Variants in NFASC observed in about 807,000 individuals in gnomAD.
The protein encoded by NFASC is neurofascin, also known as neurofascin homolog.
A neutral mutation model predicts 147.5 loss-of-function variants in NFASC; 43 were observed. The observed-to-expected ratio is 0.29, with a 90% CI of 0.23 to 0.38. NFASC has a LOEUF of 0.38. NFASC is among the 10% of genes least tolerant of loss of function. NFASC has a pLI of 1.00. For synonymous variants in NFASC, 622 were observed against 665.5 expected (o/e 0.93, Z 1.01); for missense variants, 1,320 against 1,689.0 (o/e 0.78, Z 3.83).
At chr1:204,863,474 A>G (rs934428900) in intron 1 of NFASC, among the ~76,000 whole-genome samples, 3 of 152,066 alleles carry the variant, frequency 2.0e-5, no homozygotes, top group African/African-American at 7.2e-5. Context: ...TAGACATACA[A>G]CTCAGTTACA....
At chr1:204,960,730 C>T (rs2150110423) in intron 8 of NFASC, among the ~76,000 whole-genome samples, 1 of 152,318 alleles carries the variant, frequency 6.6e-6, no homozygotes, top group East Asian at 1.9e-4. Flanking sequence ...AGCTGCAGCC[C>T]CCACCTGCCC....
At chr1:204,973,520 T>C (rs1399248850) in intron 12 of NFASC, 101 bp downstream of exon 12, 1 of 1,430,460 alleles carries the variant, frequency 7.0e-7, no homozygotes, top group Non-Finnish European at 9.5e-7. Flanking sequence ...TCTCCGGGGA[T>C]TGGCCAAGCT....
chr1:204,936,203 TC>T (rs58207227), intron 2 of NFASC, among the ~76,000 whole-genome samples: 1,648 of 121,274 alleles, frequency 0.014, 102 homozygotes, highest in South Asian at 0.025. Flanking sequence ...TCTTTCTTTT[TC>T]TTTTTTTTTT....
At chr1:204,938,375 T>A (rs1335765431) in intron 2 of NFASC, among the ~76,000 whole-genome samples, 3 of 152,254 alleles carry the variant, frequency 2.0e-5, no homozygotes, top group Non-Finnish European at 4.4e-5. Flanking sequence ...TGACATTTTT[T>A]AAGCATTTAC....
At position 205,021,476 on chromosome 1, in the gene NFASC, G is replaced by A. The variant is rs1015417635; in HGVS notation, c.*4937G>A. 1 of 152,642 alleles carries A rather than the reference G, an allele frequency of 6.6e-6. No homozygotes were observed. The allele number at this position is 152,642 out of a possible 1,614,324, so 9.5% of individuals were successfully genotyped here. ...CTAGCTTAGGACAGAATCGGATTTC[G>A]GCATGTGAAGGAATCCCAGAGCTGA... On this transcript the variant is annotated 3_prime_UTR_variant, in exon 30 of 30. Coordinates refer to ENST00000339876, the MANE Select transcript of NFASC (RefSeq NM_001005388.3).
At chr1:204,937,660 T>C (rs773933892) in intron 2 of NFASC, among the ~76,000 whole-genome samples, 10 of 152,218 alleles carry the variant, frequency 6.6e-5, no homozygotes, top group Non-Finnish European at 1.3e-4. Flanking sequence ...TAATATTCCA[T>C]TGGATGTACC....
chr1:204,886,180 C>T (rs1398669531), intron 1 of NFASC, among the ~76,000 whole-genome samples: 3 of 152,186 alleles, frequency 2.0e-5, no homozygotes, highest in African/African-American at 7.2e-5. Flanking sequence ...TCTAAACTGA[C>T]TCAGCAGTCG....
intron 1 of NFASC, among the ~76,000 whole-genome samples, chr1:204,861,280 G>A (rs1233396409): frequency 6.6e-6 from 1 of 151,446 alleles, no homozygotes; most frequent in African/African-American, 2.4e-5. Context: ...GTAGAGATGA[G>A]GTTTCTCCAT....
chr1:204,912,053 A>C (rs2087660185), intron 1 of NFASC, among the ~76,000 whole-genome samples: 2 of 151,942 alleles, frequency 1.3e-5, no homozygotes, highest in African/African-American at 4.8e-5. Context: ...AAGGACTGTC[A>C]ATTGAAGTGA....
chr1:204,938,544 C>T (rs766989930), intron 2 of NFASC, among the ~76,000 whole-genome samples: 2 of 152,150 alleles, frequency 1.3e-5, no homozygotes, highest in Non-Finnish European at 2.9e-5. Context: ...ACCCTGCCGC[C>T]GGCTCCCATA....
chr1:204,915,193 TG>T (rs1381585591), intron 1 of NFASC, among the ~76,000 whole-genome samples: 1 of 152,022 alleles, frequency 6.6e-6, no homozygotes, highest in Non-Finnish European at 1.5e-5. Context: ...GGCAGGAGAA[TG>T]GGTGTGAACC....
intron 1 of NFASC, among the ~76,000 whole-genome samples, chr1:204,874,373 G>T (rs1301025598): frequency 6.6e-6 from 1 of 152,242 alleles, no homozygotes; most frequent in Non-Finnish European, 1.5e-5. Flanking sequence ...CCCATTTTGG[G>T]TCTCTGGAGG....
At chr1:204,828,894 C>T in intron 1 of NFASC, 112 bp downstream of exon 1, 1 of 675,232 alleles carries the variant, frequency 1.5e-6, no homozygotes, top group Non-Finnish European at 1.8e-6. Context: ...CTGCCCCCTC[C>T]CCCTCCGTCC....
intron 1 of NFASC, among the ~76,000 whole-genome samples, chr1:204,858,276 A>AAAAAAG (rs1277297677): frequency 1.3e-5 from 2 of 151,976 alleles, no homozygotes; most frequent in Admixed American, 1.3e-4. Flanking sequence ...TACCCATGTG[A>AAAAAAG]GCTCCTTTTA....
intron 2 of NFASC, among the ~76,000 whole-genome samples, chr1:204,932,501 C>G (rs575875023): frequency 1.2e-4 from 18 of 151,388 alleles, no homozygotes; most frequent in African/African-American, 3.9e-4. Flanking sequence ...AGATTGACAG[C>G]GTTTGCAAAA....
At chr1:204,896,184 G>T (rs2083355143) in intron 1 of NFASC, among the ~76,000 whole-genome samples, 1 of 152,194 alleles carries the variant, frequency 6.6e-6, no homozygotes. Flanking sequence ...GCCTGAAGCT[G>T]CCGCAAAATC....
intron 17 of NFASC, among the ~76,000 whole-genome samples, chr1:204,978,103 T>G (rs2095442986): frequency 6.6e-6 from 1 of 151,572 alleles, no homozygotes; most frequent in African/African-American, 2.4e-5. Context: ...CCTGCATCTA[T>G]TGCTTTCTAT....
rs1375793158 is a variant in NFASC at position 204,950,583 on chromosome 1, C to T, written c.109+9C>T. ...AAGCATTCAGAATGAGCGTAAGTGC[C>T]CTGTGTGCCTCTCTGTGCCTCTGGG... On this transcript the variant is annotated intron_variant, in intron 4 of 29. Coordinates refer to ENST00000339876, the MANE Select transcript of NFASC (RefSeq NM_001005388.3). The T allele has an allele frequency of 2.5e-6, 4 of 1,612,196 alleles. No homozygotes were observed. In the South Asian group the frequency reaches 4.4e-5, roughly 18 times the overall value.
intron 17 of NFASC, among the ~76,000 whole-genome samples, chr1:204,978,753 G>GT (rs992504152): frequency 6.7e-6 from 1 of 149,318 alleles, no homozygotes; most frequent in African/African-American, 2.5e-5. Context: ...GATATTCTTT[G>GT]TGGGGGGGGG....
Sources: allele counts gnomAD v4.1 joint callset (sites outside exome capture counted in the v4.1 genomes callset), GRCh38; gene constraint gnomAD v4.1.1; transcripts MANE v1.5; gene names NCBI Gene and HGNC (gene_info 2026-07-23, HGNC 2026-07-21).